AGBL4: variants seen among roughly 807,000 people sequenced by gnomAD.
AGBL4 encodes the protein cytosolic carboxypeptidase 6.
A neutral mutation model predicts 66.4 loss-of-function variants in AGBL4; 58 were observed. The ratio of observed to expected loss-of-function variants is 0.87; its 90% CI spans 0.71 to 1.09. AGBL4 has a LOEUF of 1.09. Ranked by LOEUF, AGBL4 falls within the 50% of genes least tolerant of loss-of-function variation. The pLI, the probability that AGBL4 is intolerant of heterozygous loss-of-function variation, is 0.00. For synonymous variants in AGBL4, 234 were observed against 222.9 expected (o/e 1.05, Z -0.44); for missense variants, 579 against 631.0 (o/e 0.92, Z 0.88).
chr1:49,600,900 G>A (rs1015726637), intron 3 of AGBL4, among the ~76,000 whole-genome samples: 11 of 152,242 alleles, frequency 7.2e-5, no homozygotes, highest in Non-Finnish European at 1.2e-4. Context: ...AAGTTAGTTT[G>A]GCTGGTTATG....
chr1:48,776,649 C>G, intron 6 of AGBL4: 1 of 1,490,972 alleles, frequency 6.7e-7, no homozygotes, highest in Non-Finnish European at 8.9e-7. Context: ...ACAGCGCGCC[C>G]CAGTCGCGGG....
intron 1 of AGBL4, among the ~76,000 whole-genome samples, chr1:49,972,913 C>T (rs1658254744): frequency 6.6e-6 from 1 of 152,174 alleles, no homozygotes; most frequent in Non-Finnish European, 1.5e-5. Flanking sequence ...TATTATGTTG[C>T]TTAATCTTCA....
intron 1 of AGBL4, among the ~76,000 whole-genome samples, chr1:49,868,056 A>G (rs1037860515): frequency 2.0e-5 from 3 of 151,008 alleles, no homozygotes; most frequent in African/African-American, 7.3e-5. Flanking sequence ...ACCTAGGAAT[A>G]CAACTTACAA....
intron 5 of AGBL4, among the ~76,000 whole-genome samples, chr1:48,868,254 C>T (rs995721272): frequency 1.3e-5 from 2 of 152,182 alleles, no homozygotes; most frequent in African/African-American, 2.4e-5. Flanking sequence ...GCAGTGGAGG[C>T]CTTGCTATAT....
chr1:49,361,390 G>A (rs1203697292), intron 3 of AGBL4, among the ~76,000 whole-genome samples: 3 of 152,058 alleles, frequency 2.0e-5, no homozygotes, highest in Non-Finnish European at 2.9e-5. Context: ...GCAGTGGCAC[G>A]ATCTGGCTCA....
intron 9 of AGBL4, among the ~76,000 whole-genome samples, chr1:48,607,915 A>C (rs988114174): frequency 1.3e-5 from 2 of 152,202 alleles, no homozygotes; most frequent in African/African-American, 4.8e-5. Context: ...CTTTAGTAGG[A>C]GGTATTATCC....
At chr1:50,013,205 A>T (rs1049796887) in intron 1 of AGBL4, among the ~76,000 whole-genome samples, 1 of 152,216 alleles carries the variant, frequency 6.6e-6, no homozygotes, top group Non-Finnish European at 1.5e-5. Context: ...GTGAATTTAA[A>T]GGAAGAAATA....
intron 6 of AGBL4, among the ~76,000 whole-genome samples, chr1:48,765,078 T>C (rs1480242621): frequency 4.6e-5 from 7 of 152,144 alleles, no homozygotes; most frequent in Non-Finnish European, 7.3e-5. Flanking sequence ...CTTCCACTCA[T>C]CTCCTCCCTC....
intron 5 of AGBL4, among the ~76,000 whole-genome samples, chr1:48,966,430 C>A (rs1316868678): frequency 1.3e-5 from 2 of 152,122 alleles, no homozygotes; most frequent in Admixed American, 6.6e-5. Flanking sequence ...AATAAACTAA[C>A]TGCATGATAA....
At chr1:48,851,040 C>T (rs1890729) in intron 6 of AGBL4, among the ~76,000 whole-genome samples, 134,963 of 152,254 alleles carry the variant, frequency 0.89, 60,480 homozygotes, top group Non-Finnish European at 0.96. Context: ...GAAAAATCAC[C>T]TTGTCCATTG....
At chr1:49,799,406 G>T (rs1198738213) in intron 2 of AGBL4, among the ~76,000 whole-genome samples, 23 of 152,280 alleles carry the variant, frequency 1.5e-4, no homozygotes, top group Non-Finnish European at 4.4e-5. Flanking sequence ...GAAATAAACA[G>T]TATCTAACTG....
intron 6 of AGBL4, among the ~76,000 whole-genome samples, chr1:48,846,552 C>A (rs1001772682): frequency 1.3e-5 from 2 of 152,294 alleles, no homozygotes; most frequent in South Asian, 2.1e-4. Context: ...TGCTTCATTG[C>A]CTATAATTCA....
Position 49,564,517 on chromosome 1 carries a change from C to T in AGBL4, c.282+132796G>A, listed in dbSNP as rs191508048. ...TTCTGGTATGTTGTGTCTTTCTTCT[C>T]GTTGGTTTCAAAGAACATCTTTATT... is the stretch of plus-strand genomic sequence containing the variant. On this transcript the variant is annotated intron_variant, in intron 3 of 13. Transcript: ENST00000371839. 2.6e-3 allele frequency among the ~76,000 whole-genome samples: 400 copies of T among 152,190 alleles called. 3 individuals carry two copies. The highest frequency in any genetic ancestry group is 6.8e-3 in the Middle Eastern group (2 of 294).
chr1:49,741,667 C>T (rs1463590508), intron 2 of AGBL4, among the ~76,000 whole-genome samples: 3 of 152,132 alleles, frequency 2.0e-5, no homozygotes, highest in Non-Finnish European at 4.4e-5. Context: ...TACTGGCAAA[C>T]TGAATCCAGC....
chr1:48,640,396 T>C (rs1645735302), intron 8 of AGBL4, among the ~76,000 whole-genome samples: 1 of 152,184 alleles, frequency 6.6e-6, no homozygotes, highest in African/African-American at 2.4e-5. Context: ...AGATTCAATA[T>C]ATTTATTGGA....
chr1:49,102,204 T>C (rs1645214850), intron 4 of AGBL4, among the ~76,000 whole-genome samples: 1 of 152,104 alleles, frequency 6.6e-6, no homozygotes, highest in Non-Finnish European at 1.5e-5. Context: ...CCAGAGACTA[T>C]CTTGTGGATC....
chr1:49,846,189 A>G, intron 2 of AGBL4: 1 of 1,457,756 alleles, frequency 6.9e-7, no homozygotes, highest in East Asian at 2.3e-5. Flanking sequence ...TCCTTCAACC[A>G]CAGCTCCTCA....
At chr1:48,701,352 G>A (rs1646797393) in intron 6 of AGBL4, among the ~76,000 whole-genome samples, 1 of 125,424 alleles carries the variant, frequency 8.0e-6, no homozygotes, top group Admixed American at 8.8e-5. Context: ...GTGACCATAG[G>A]CAGGTGTCTG....
intron 2 of AGBL4, among the ~76,000 whole-genome samples, chr1:49,697,887 G>C (rs1007088417): frequency 5.3e-5 from 8 of 152,096 alleles, no homozygotes; most frequent in Non-Finnish European, 1.0e-4. Flanking sequence ...TATATGGTTT[G>C]TACTGAGCTT....
Sources: allele counts gnomAD v4.1 joint callset (sites outside exome capture counted in the v4.1 genomes callset), GRCh38; gene constraint gnomAD v4.1.1; transcripts MANE v1.5; gene names NCBI Gene and HGNC (gene_info 2026-07-23, HGNC 2026-07-21).